EPS8: variants seen among roughly 807,000 people sequenced by gnomAD.
EPS8 encodes EGFR pathway substrate 8, signaling adaptor.
In EPS8, 42 loss-of-function variants were observed where a neutral mutation model predicts 103.8. That is an observed-to-expected ratio of 0.40 (90% CI 0.32 to 0.52). EPS8 has a LOEUF of 0.52. Ranked by LOEUF, EPS8 falls within the 20% of genes least tolerant of loss-of-function variation. The pLI is 0.40. For missense variants in EPS8, 969 were observed against 1,005.1 expected, an observed-to-expected ratio of 0.96 and a Z score of 0.49; for synonymous variants, 344 against 344.6, an observed-to-expected ratio of 1.00 and a Z score of 0.02.
At chr12:15,627,737 T>A (rs1178518708) in intron 18 of EPS8, among the ~76,000 whole-genome samples, 2 of 152,206 alleles carry the variant, frequency 1.3e-5, no homozygotes, top group Non-Finnish European at 2.9e-5. Flanking sequence ...CATACTGTCA[T>A]GACAAAAATA....
chr12:15,658,083 T>C lies in EPS8; in HGVS notation c.1097A>G (p.Asn366Ser). 6.3e-7 allele frequency: 1 copy of C among 1,578,208 alleles called. No homozygotes were observed. Among genetic ancestry groups the C allele is most frequent in the African/African-American group, 1.3e-5 (1 of 74,302 alleles). ...DLVHFLFTPL[N>S]MVVQATGGPE... ...CTTAAACTAATAAAATCTCACCATA[T>C]TTAATGGAGTAAACAAAAAGTGAAC... The change falls in exon 12 of 21, where the codon AAT (asparagine) becomes AGT (serine). Residue 366 changes from asparagine to serine, a missense_variant. By Grantham distance (46) the Asn-to-Ser change is conservative. Transcript: ENST00000281172.
chr12:15,650,345 G>A (rs1012465153), intron 14 of EPS8, among the ~76,000 whole-genome samples: 2 of 152,128 alleles, frequency 1.3e-5, no homozygotes, highest in African/African-American at 2.4e-5. Flanking sequence ...GCAAAGCAAC[G>A]TGAAGAGAAG....
intron 2 of EPS8, among the ~76,000 whole-genome samples, 178 bp from the exon 3 acceptor site, chr12:15,681,480 C>G (rs1316225680): frequency 6.6e-6 from 1 of 151,842 alleles, no homozygotes; most frequent in East Asian, 1.9e-4. Context: ...CCTATAATCC[C>G]AGCACATTGG....
intron 8 of EPS8, among the ~76,000 whole-genome samples, chr12:15,663,935 A>ATAATAATAAT (rs1248656121): frequency 0.11 from 1,122 of 10,514 alleles, 31 homozygotes; most frequent in Non-Finnish European, 0.25. Flanking sequence ...AAAAAAAAAA[A>ATAATAATAAT]AAAAAAAAAA....
In EPS8 at chr12:15,725,135, C is replaced by T. The variant is rs1024180527; in HGVS notation, c.-21-42163G>A. Among the ~76,000 whole-genome samples, 1 of 152,188 alleles carries T rather than the reference C, an allele frequency of 6.6e-6. No homozygotes were observed. The highest frequency in any genetic ancestry group is 2.1e-4 in the South Asian group (1 of 4,822). Reference sequence around the variant, plus strand: ...CATTCTGCATTCCAATAGGATACCACCAGTCCACAGATCTGTGTCAATAAA... The same window carrying T: ...CATTCTGCATTCCAATAGGATACCATCAGTCCACAGATCTGTGTCAATAAA... On this transcript the variant is annotated intron_variant, in intron 1 of 20. Transcript: ENST00000281172. The surrounding 1 kb of genome is among the most constrained non-coding windows in gnomAD (Gnocchi z 4.5).
chr12:15,644,024 G>C (rs1368741957), intron 15 of EPS8, among the ~76,000 whole-genome samples: 1 of 152,214 alleles, frequency 6.6e-6, no homozygotes, highest in East Asian at 1.9e-4. Context: ...GCATTGTTAA[G>C]CTAAATATGT....
At position 15,721,669 on chromosome 12, in the gene EPS8, C is replaced by T. The variant is rs11056602; in HGVS notation, c.-21-38697G>A. 1.1e-3 allele frequency among the ~76,000 whole-genome samples: 166 copies of T among 152,100 alleles called. 2 individuals carry two copies. The East Asian group carries it at 0.03, about 28-fold the overall frequency. On this transcript the variant is annotated intron_variant, in intron 1 of 20. Coordinates refer to ENST00000281172, the MANE Select transcript of EPS8 (RefSeq NM_004447.6). The surrounding 1 kb of genome is among the most constrained non-coding windows in gnomAD (Gnocchi z 4.4). Reference sequence around the variant, plus strand: ...AACAATCTTGTTTGCCTTTGTCTTGCGCATCAAGTTAAAAGGATTTTCCTG... The same window carrying T: ...AACAATCTTGTTTGCCTTTGTCTTGTGCATCAAGTTAAAAGGATTTTCCTG...
At chr12:15,660,114 T>G (rs1945578408) in intron 10 of EPS8, among the ~76,000 whole-genome samples, 1 of 152,170 alleles carries the variant, frequency 6.6e-6, no homozygotes, top group African/African-American at 2.4e-5. Context: ...CTTTCTTCAC[T>G]ATAGCTGACT....
chr12:15,788,304 C>CTA (rs1449029687), intron 1 of EPS8, among the ~76,000 whole-genome samples: 1 of 152,206 alleles, frequency 6.6e-6, no homozygotes, highest in Non-Finnish European at 1.5e-5. Flanking sequence ...AAGGAGGATT[C>CTA]TAATTCCTAA....
At chr12:15,673,226 A>G (rs1435992452) in intron 3 of EPS8, among the ~76,000 whole-genome samples, 2 of 152,178 alleles carry the variant, frequency 1.3e-5, no homozygotes, top group Non-Finnish European at 2.9e-5. Context: ...GGAATTCCTA[A>G]GCTGCTTTCT....
chr12:15,783,289 A>G (rs1947278077), intron 1 of EPS8, among the ~76,000 whole-genome samples: 1 of 152,230 alleles, frequency 6.6e-6, no homozygotes. Flanking sequence ...TAAGAATACA[A>G]TGTAATATAC....
Position 15,688,939 on chromosome 12 carries a change from T to C in EPS8, c.-21-5967A>G, listed in dbSNP as rs1946134074. On this transcript the variant is annotated intron_variant, in intron 1 of 20. Transcript: ENST00000281172. This position sits in a 1 kb window ranked among gnomAD's most constrained non-coding sequence, Gnocchi z 5.1. ...TCTGTAAACATTCACTCCTAGACAC[T>C]GCTGTGGGATTGGAACCTCACAGCC... Among the ~76,000 whole-genome samples, 1 of 152,152 alleles carries C rather than the reference T, an allele frequency of 6.6e-6. No homozygotes were observed. Among genetic ancestry groups the C allele is most frequent in the African/African-American group, 2.4e-5 (1 of 41,446 alleles).
intron 3 of EPS8, among the ~76,000 whole-genome samples, chr12:15,672,226 T>C (rs766669097): frequency 3.2e-4 from 48 of 152,246 alleles, no homozygotes; most frequent in African/African-American, 1.2e-3. Context: ...AGTGCATATA[T>C]ACATATGCAG....
intron 15 of EPS8, 151 bp downstream of exon 15, chr12:15,646,976 G>T (rs1945329250): frequency 1.5e-6 from 1 of 681,062 alleles, no homozygotes; most frequent in Non-Finnish European, 2.3e-6. Context: ...ATCAAAACCA[G>T]TTCTCTAAAG....
intron 8 of EPS8, among the ~76,000 whole-genome samples, chr12:15,664,750 C>T (rs1462107821): frequency 6.6e-6 from 1 of 152,168 alleles, no homozygotes; most frequent in African/African-American, 2.4e-5. Flanking sequence ...TAAGAAGTTC[C>T]ACTGGAGTAG....
At position 15,670,900 on chromosome 12, in the gene EPS8, CCCG is replaced by C. The variant is rs1176559533; in HGVS notation, c.157_159del (p.Arg53del). 1 of 1,612,054 alleles carries C rather than the reference CCCG, an allele frequency of 6.2e-7. No homozygotes were observed. Among genetic ancestry groups the C allele is most frequent in the African/African-American group, 1.3e-5 (1 of 74,866 alleles). ...ATATCTGACACACTGCTGACACTGT[CCCG>C]TGCATAATTCTTCCTTTGTTCTGAA... On this transcript the variant is annotated inframe_deletion, in exon 4 of 21. Transcript: ENST00000281172.
rs2136052932 is a variant in EPS8 at position 15,779,608 on chromosome 12, G to T, written c.-22+9553C>A. 6.6e-6 allele frequency among the ~76,000 whole-genome samples: 1 copy of T among 152,226 alleles called. No homozygotes were observed. Among genetic ancestry groups the T allele is most frequent in the East Asian group, 1.9e-4 (1 of 5,184 alleles). On this transcript the variant is annotated intron_variant, in intron 1 of 20. Transcript: ENST00000281172. The surrounding 1 kb of genome is among the most constrained non-coding windows in gnomAD (Gnocchi z 4.3). The stretch of plus-strand genomic sequence containing the variant: ...TATTTCTATAATAAGGAATAACTTA[G>T]TAATATTCTAATGGTGTTAACAGAA...
At chr12:15,678,817 G>A (rs1383303856) in intron 3 of EPS8, among the ~76,000 whole-genome samples, 2 of 151,110 alleles carry the variant, frequency 1.3e-5, no homozygotes. Flanking sequence ...TGGAGGCTGA[G>A]GCAAGAGAAT....
At chr12:15,662,636 A>G (rs1945625917) in intron 8 of EPS8, 1 of 985,534 alleles carries the variant, frequency 1.0e-6, no homozygotes, top group Non-Finnish European at 1.2e-6. Context: ...CATGCTTTAA[A>G]AGCAGACAGA....
Sources: allele counts gnomAD v4.1 joint callset (sites outside exome capture counted in the v4.1 genomes callset), GRCh38; gene constraint gnomAD v4.1.1; non-coding constraint Gnocchi (gnomAD v3.1); transcripts MANE v1.5; gene names NCBI Gene and HGNC (gene_info 2026-07-23, HGNC 2026-07-21).